ADARB2: variants seen among roughly 807,000 people sequenced by gnomAD.
The protein encoded by ADARB2 is adenosine deaminase RNA specific B2 (inactive), also known as inactive double-stranded RNA-specific editase B2.
A neutral mutation model predicts 62.2 loss-of-function variants in ADARB2; 25 were observed. The observed-to-expected ratio is 0.40, with a 90% CI of 0.29 to 0.56. The LOEUF is 0.56. ADARB2 is among the 20% of genes least tolerant of loss of function. The pLI is 0.43. For synonymous variants in ADARB2, 572 were observed against 500.8 expected, an observed-to-expected ratio of 1.14 and a Z score of -1.90; for missense variants, 1,071 against 1,077.4, an observed-to-expected ratio of 0.99 and a Z score of 0.08.
Position 1,188,587 on chromosome 10 carries a change from C to CT in ADARB2, c.1865-3549dup, listed in dbSNP as rs60434013. On this transcript the variant is annotated intron_variant, in intron 8 of 9. Coordinates refer to ENST00000381312, the MANE Select transcript of ADARB2 (RefSeq NM_018702.4). ...AAGGCAGCCTGGAAGAATAGCAGTC[C>CT]TTTTTTTTTTTTTCTTCTACCTTCT... Among the ~76,000 whole-genome samples the CT allele has an allele frequency of 5.2e-3, 734 of 140,188 alleles. 7 individuals carry two copies. Among genetic ancestry groups the CT allele is most frequent in the African/African-American group, 0.017 (647 of 38,204 alleles). 92.0% of individuals were successfully genotyped at this position (140,188 alleles called of 152,430 possible).
At chr10:1,697,035 G>T (rs551882704) in intron 1 of ADARB2, among the ~76,000 whole-genome samples, 14 of 152,116 alleles carry the variant, frequency 9.2e-5, no homozygotes, top group Admixed American at 8.5e-4. Context: ...GCCCAAGACA[G>T]TTCTTCTTCT....
At chr10:1,232,089 C>A (rs781622752) in intron 6 of ADARB2, among the ~76,000 whole-genome samples, 6 of 152,140 alleles carry the variant, frequency 3.9e-5, no homozygotes, top group Non-Finnish European at 8.8e-5. Flanking sequence ...TGTATGTCTG[C>A]CAGAGATTTC....
intron 1 of ADARB2, among the ~76,000 whole-genome samples, chr10:1,561,728 C>G (rs929830181): frequency 5.3e-5 from 8 of 152,148 alleles, no homozygotes; most frequent in Non-Finnish European, 1.5e-5. Context: ...GAACTCCCCC[C>G]AGGTGGAGGT....
At chr10:1,451,768 A>G (rs564157395) in intron 1 of ADARB2, among the ~76,000 whole-genome samples, 3 of 152,144 alleles carry the variant, frequency 2.0e-5, no homozygotes, top group African/African-American at 7.2e-5. Flanking sequence ...AAGTACACCC[A>G]TATGAGGAGG....
At chr10:1,639,648 T>C (rs1462285147) in intron 1 of ADARB2, among the ~76,000 whole-genome samples, 1 of 152,120 alleles carries the variant, frequency 6.6e-6, no homozygotes. Context: ...TTCGAGACCA[T>C]CCTGACCAAC....
At chr10:1,360,500 G>T (rs1017910409) in intron 3 of ADARB2, among the ~76,000 whole-genome samples, 2 of 152,240 alleles carry the variant, frequency 1.3e-5, no homozygotes, top group African/African-American at 2.4e-5. Context: ...GCAGGGCAAG[G>T]AGGAAAAGCC....
chr10:1,598,438 G>C (rs910223086), intron 1 of ADARB2, among the ~76,000 whole-genome samples: 7 of 152,220 alleles, frequency 4.6e-5, no homozygotes, highest in African/African-American at 1.7e-4. Context: ...AAATAAATGA[G>C]GATCATAACT....
intron 6 of ADARB2, among the ~76,000 whole-genome samples, chr10:1,229,189 C>G (rs1356158936): frequency 6.6e-6 from 1 of 152,174 alleles, no homozygotes; most frequent in East Asian, 1.9e-4. Flanking sequence ...ATGATCTAGA[C>G]AAATGTTTTT....
At chr10:1,274,022 AG>A (rs572258655) in intron 3 of ADARB2, among the ~76,000 whole-genome samples, 81 of 152,320 alleles carry the variant, frequency 5.3e-4, no homozygotes, top group African/African-American at 1.6e-3. Flanking sequence ...AGGGCACTGA[AG>A]GGCTTCCCAC....
chr10:1,313,948 G>A lies in ADARB2; in HGVS notation c.1078-42879C>T, dbSNP rs111445236. Among the ~76,000 whole-genome samples the A allele has an allele frequency of 3.9e-5, 6 of 152,192 alleles. 1 individual carries two copies. The highest frequency in any genetic ancestry group is 1.2e-4 in the African/African-American group (5 of 41,522). Reference sequence around the variant, plus strand: ...CTAACTAGTAATATTTCTGAAACTCGCTATGTCTGAAAACCAGTCACTTGG... The same window carrying A: ...CTAACTAGTAATATTTCTGAAACTCACTATGTCTGAAAACCAGTCACTTGG... On this transcript the variant is annotated intron_variant, in intron 3 of 9. Transcript: ENST00000381312.
intron 1 of ADARB2, among the ~76,000 whole-genome samples, chr10:1,655,592 A>T (rs1438706736): frequency 6.6e-6 from 1 of 152,310 alleles, no homozygotes. Context: ...ATTTTCAAAC[A>T]TTCTATGCTC....
intron 1 of ADARB2, among the ~76,000 whole-genome samples, chr10:1,537,801 G>A (rs532660476): frequency 2.0e-5 from 3 of 152,120 alleles, no homozygotes; most frequent in South Asian, 2.1e-4. Context: ...ATCACACACC[G>A]GGACCTGTCA....
At chr10:1,373,042 T>A (rs539014876) in intron 2 of ADARB2, among the ~76,000 whole-genome samples, 1 of 152,128 alleles carries the variant, frequency 6.6e-6, no homozygotes, top group Non-Finnish European at 1.5e-5. Flanking sequence ...AGAATCAATA[T>A]TACTAAAATG....
At chr10:1,543,054 C>T (rs879546511) in intron 1 of ADARB2, among the ~76,000 whole-genome samples, 1 of 152,270 alleles carries the variant, frequency 6.6e-6, no homozygotes, top group Non-Finnish European at 1.5e-5. Flanking sequence ...AGGCCTGTTA[C>T]AGCGACGGTG....
intron 7 of ADARB2, among the ~76,000 whole-genome samples, chr10:1,213,473 A>G (rs1008083268): frequency 2.6e-5 from 4 of 152,150 alleles, no homozygotes; most frequent in Non-Finnish European, 4.4e-5. Context: ...GGGCATTTCA[A>G]GCCTTGCCTG....
At chr10:1,241,097 A>G (rs939816062) in intron 5 of ADARB2, among the ~76,000 whole-genome samples, 1 of 152,192 alleles carries the variant, frequency 6.6e-6, no homozygotes, top group African/African-American at 2.4e-5. Context: ...CGTCTCTACT[A>G]AAAATACAAA....
At chr10:1,389,728 C>A (rs769696119) in intron 1 of ADARB2, among the ~76,000 whole-genome samples, 4 of 150,374 alleles carry the variant, frequency 2.7e-5, no homozygotes, top group Admixed American at 6.7e-5. Context: ...GGGTGACAGG[C>A]AGAGTGAGAC....
chr10:1,476,840 G>A (rs1256024513), intron 1 of ADARB2, among the ~76,000 whole-genome samples: 1 of 152,144 alleles, frequency 6.6e-6, no homozygotes, highest in African/African-American at 2.4e-5. Flanking sequence ...CGGCCCTCTG[G>A]GGTGTGGAGG....
chr10:1,381,590 C>G (rs1386736766), intron 1 of ADARB2, among the ~76,000 whole-genome samples: 1 of 152,172 alleles, frequency 6.6e-6, no homozygotes, highest in Admixed American at 6.5e-5. Flanking sequence ...GGAAGCAACT[C>G]AAGTGTCCTT....
Sources: gnomAD v4.1 joint callset for allele counts (sites outside exome capture counted in the v4.1 genomes callset) on GRCh38, gnomAD v4.1.1 for gene constraint, MANE v1.5 for transcripts, NCBI Gene and HGNC (gene_info 2026-07-23, HGNC 2026-07-21) for gene names.